Variants in BRINP3 observed in about 807,000 individuals in gnomAD.
BRINP3 encodes the protein BMP/retinoic acid inducible neural specific 3, also known as BMP/retinoic acid-inducible neural-specific protein 3.
A neutral mutation model predicts 71.0 loss-of-function variants in BRINP3; 19 were observed. That is an observed-to-expected ratio of 0.27 (90% CI 0.19 to 0.39). The LOEUF is 0.39. Among genes scored for constraint, BRINP3 ranks in the 10% least tolerant of loss-of-function variants. BRINP3 has a pLI of 1.00. For synonymous variants in BRINP3, 380 were observed against 337.7 expected, an observed-to-expected ratio of 1.13 and a Z score of -1.37; for missense variants, 959 against 940.8, an observed-to-expected ratio of 1.02 and a Z score of -0.25.
chr1:190,347,779 C>T (rs1243133526), intron 2 of BRINP3, among the ~76,000 whole-genome samples: 1 of 152,014 alleles, frequency 6.6e-6, no homozygotes, highest in Non-Finnish European at 1.5e-5. Flanking sequence ...TGACCAGATG[C>T]TTGGAATAGA....
Position 190,454,724 on chromosome 1 carries a change from C to T in BRINP3, c.167G>A (p.Arg56His), listed in dbSNP as rs1329773795. 20 of 1,614,074 alleles carry T rather than the reference C, an allele frequency of 1.2e-5. No homozygotes were observed. Among genetic ancestry groups the T allele is most frequent in the Admixed American group, 1.7e-5 (1 of 60,000 alleles). ...CACAAAATCTGTGTATTCCTGTGAG[C>T]GATGGAAGGGTCCCTTATCAGAGAG... ...WLLSDKGPFH[R>H]SQEYTDFVDR... The change falls in exon 2 of 8, where the codon CGC (arginine) becomes CAC (histidine). Residue 56 changes from arginine (R) to histidine (H), a missense_variant. Transcript: ENST00000367462.
chr1:190,391,100 CAGA>C (rs1458831244), intron 2 of BRINP3, among the ~76,000 whole-genome samples: 1 of 151,720 alleles, frequency 6.6e-6, no homozygotes, highest in Non-Finnish European at 1.5e-5. Flanking sequence ...TGATTTGGAG[CAGA>C]AGGAGTTTCC....
At chr1:190,108,799 G>A (rs1328946592) in intron 7 of BRINP3, among the ~76,000 whole-genome samples, 1 of 151,196 alleles carries the variant, frequency 6.6e-6, no homozygotes, top group Non-Finnish European at 1.5e-5. Flanking sequence ...AATATCATCT[G>A]ATTGGAAAAA....
At chr1:190,476,887 C>G (rs1456035129) in intron 1 of BRINP3, among the ~76,000 whole-genome samples, 1 of 152,164 alleles carries the variant, frequency 6.6e-6, no homozygotes. Context: ...TCAAAACTCA[C>G]AGTCCTCTTC....
At chr1:190,334,587 T>C (rs921646145) in intron 2 of BRINP3, among the ~76,000 whole-genome samples, 1 of 151,654 alleles carries the variant, frequency 6.6e-6, no homozygotes, top group Non-Finnish European at 1.5e-5. Context: ...AAAAGAAAAA[T>C]GGGCTGAAAA....
chr1:190,379,997 C>CAAAAAAA (rs34329313), intron 2 of BRINP3, among the ~76,000 whole-genome samples: 2 of 100,826 alleles, frequency 2.0e-5, no homozygotes, highest in African/African-American at 8.1e-5. Context: ...GACTCCACCT[C>CAAAAAAA]AAAAAAAAAA....
chr1:190,149,613 ATTG>A (rs1244305184), intron 7 of BRINP3, among the ~76,000 whole-genome samples: 1 of 149,468 alleles, frequency 6.7e-6, no homozygotes, highest in Non-Finnish European at 1.5e-5. Context: ...CACTTAGGAT[ATTG>A]TTGAGTAGTT....
chr1:190,126,731 A>G (rs900753522), intron 7 of BRINP3, among the ~76,000 whole-genome samples: 1 of 151,954 alleles, frequency 6.6e-6, no homozygotes, highest in African/African-American at 2.4e-5. Flanking sequence ...GTCAATCATT[A>G]TCATGTTAAC....
In BRINP3 at chr1:190,333,691, C is replaced by T. The variant is rs566907406; in HGVS notation, c.237-51941G>A. Among the ~76,000 whole-genome samples the T allele has an allele frequency of 4.0e-5, 6 of 151,860 alleles. No homozygotes were observed. The East Asian group carries it at 1.2e-3, about 29-fold the overall frequency. On this transcript the variant is annotated intron_variant, in intron 2 of 7. Coordinates refer to ENST00000367462, the MANE Select transcript of BRINP3 (RefSeq NM_199051.3). ...TAAGTTGCATCTTGCAAATTATTTC[C>T]CAGTGTAGAAATTACCTTAACAACA...
chr1:190,336,932 A>G (rs1667328539), intron 2 of BRINP3, among the ~76,000 whole-genome samples: 1 of 150,816 alleles, frequency 6.6e-6, no homozygotes, highest in Non-Finnish European at 1.5e-5. Context: ...GATACCCACC[A>G]AGAATACTAA....
intron 7 of BRINP3, among the ~76,000 whole-genome samples, chr1:190,140,414 T>G (rs190811827): frequency 6.6e-6 from 1 of 152,238 alleles, no homozygotes; most frequent in East Asian, 1.9e-4. Context: ...TCATTTGCCA[T>G]GAAAACATAA....
At chr1:190,104,073 T>G (rs891397568) in intron 7 of BRINP3, among the ~76,000 whole-genome samples, 8 of 152,056 alleles carry the variant, frequency 5.3e-5, no homozygotes, top group Admixed American at 4.6e-4. Flanking sequence ...TATTATTTTT[T>G]AAATATGTGT....
chr1:190,343,279 A>G (rs1234237964), intron 2 of BRINP3, among the ~76,000 whole-genome samples: 2 of 151,830 alleles, frequency 1.3e-5, no homozygotes, highest in African/African-American at 2.4e-5. Context: ...TGTGGCAGAT[A>G]TACTTGGAAG....
At chr1:190,124,423 A>G (rs1047281516) in intron 7 of BRINP3, among the ~76,000 whole-genome samples, 3 of 152,128 alleles carry the variant, frequency 2.0e-5, no homozygotes, top group Non-Finnish European at 4.4e-5. Context: ...ACAGACTAAG[A>G]CAACTTATAT....
chr1:190,333,031 T>C (rs1472998157), intron 2 of BRINP3, among the ~76,000 whole-genome samples: 1 of 151,930 alleles, frequency 6.6e-6, no homozygotes, highest in Non-Finnish European at 1.5e-5. Context: ...GCTTTTCACC[T>C]CCAGCAAATT....
intron 5 of BRINP3, among the ~76,000 whole-genome samples, chr1:190,226,544 T>G (rs1008457604): frequency 2.6e-5 from 4 of 152,022 alleles, no homozygotes; most frequent in South Asian, 4.1e-4. Context: ...ATAGAGATGA[T>G]TAATCATGGA....
intron 4 of BRINP3, among the ~76,000 whole-genome samples, chr1:190,263,242 C>T (rs1336007608): frequency 1.3e-5 from 2 of 152,116 alleles, no homozygotes; most frequent in East Asian, 3.8e-4. Context: ...CAACATCTTA[C>T]AAAATTTTTA....
intron 2 of BRINP3, among the ~76,000 whole-genome samples, chr1:190,327,331 A>AAAAAAAAAAAAAAAAAAAAAG (rs1666659153): frequency 1.0e-5 from 1 of 98,832 alleles, no homozygotes; most frequent in Non-Finnish European, 1.8e-5. Flanking sequence ...AAGAACAAAA[A>AAAAAAAAAAAAAAAAAAAAAG]AAAAAAAAAA....
At chr1:190,464,471 G>A (rs1013422061) in intron 1 of BRINP3, among the ~76,000 whole-genome samples, 16 of 151,772 alleles carry the variant, frequency 1.1e-4, no homozygotes, top group Non-Finnish European at 1.8e-4. Context: ...ACCAGATTAC[G>A]AGAGATTTGC....
Sources: gnomAD v4.1 joint callset for allele counts (sites outside exome capture counted in the v4.1 genomes callset) on GRCh38, gnomAD v4.1.1 for gene constraint, MANE v1.5 for transcripts, NCBI Gene and HGNC (gene_info 2026-07-23, HGNC 2026-07-21) for gene names.